Variants in CAMK1D observed in about 807,000 individuals in gnomAD.
The protein encoded by CAMK1D is calcium/calmodulin-dependent protein kinase type 1D.
Under a neutral mutation model 47.7 loss-of-function variants are expected in CAMK1D, and 9 were observed. The ratio of observed to expected loss-of-function variants is 0.19; its 90% CI spans 0.11 to 0.33. The LOEUF is 0.33. CAMK1D is among the 10% of genes least tolerant of loss of function. CAMK1D has a pLI of 1.00. For synonymous variants in CAMK1D, 184 were observed against 184.9 expected, an observed-to-expected ratio of 0.99 and a Z score of 0.04; for missense variants, 291 against 488.7, an observed-to-expected ratio of 0.60 and a Z score of 3.81.
chr10:12,580,914 TG>T (rs1194882312), intron 2 of CAMK1D, among the ~76,000 whole-genome samples: 18 of 152,310 alleles, frequency 1.2e-4, no homozygotes, highest in African/African-American at 3.8e-4. Context: ...TTCATAGGTT[TG>T]GGGGAACAGG....
intron 2 of CAMK1D, among the ~76,000 whole-genome samples, chr10:12,600,063 C>T (rs1838256254): frequency 6.6e-6 from 1 of 152,170 alleles, no homozygotes; most frequent in Non-Finnish European, 1.5e-5. Flanking sequence ...TATGATTGTG[C>T]CACTGCACTC....
chr10:12,777,619 C>T (rs966934058), intron 5 of CAMK1D, among the ~76,000 whole-genome samples: 18 of 152,218 alleles, frequency 1.2e-4, no homozygotes, highest in Middle Eastern at 3.4e-3. Flanking sequence ...GGTGATCCAC[C>T]TGTCTCGGCC....
chr10:12,794,664 A>C (rs1838116597), intron 6 of CAMK1D, among the ~76,000 whole-genome samples: 1 of 152,112 alleles, frequency 6.6e-6, no homozygotes, highest in East Asian at 1.9e-4. Context: ...GTCCCACATC[A>C]ATTTCATGAC....
intron 3 of CAMK1D, among the ~76,000 whole-genome samples, chr10:12,753,579 A>G (rs1393150310): frequency 6.6e-6 from 1 of 152,074 alleles, no homozygotes; most frequent in Non-Finnish European, 1.5e-5. Flanking sequence ...GGTCCTTGGG[A>G]TCTTAGAACG....
intron 1 of CAMK1D, among the ~76,000 whole-genome samples, chr10:12,540,849 A>G (rs570126976): frequency 1.4e-3 from 217 of 152,018 alleles, no homozygotes; most frequent in African/African-American, 3.8e-3. Flanking sequence ...TACCTACTAA[A>G]GTTAAGGATA....
chr10:12,715,559 A>G (rs1834094745), intron 3 of CAMK1D, among the ~76,000 whole-genome samples: 1 of 152,346 alleles, frequency 6.6e-6, no homozygotes, highest in African/African-American at 2.4e-5. Context: ...TATTTGTGGG[A>G]AAATCTAGCT....
chr10:12,642,861 G>C (rs896851063), intron 2 of CAMK1D, among the ~76,000 whole-genome samples: 2 of 152,164 alleles, frequency 1.3e-5, no homozygotes, highest in Non-Finnish European at 2.9e-5. Context: ...CAGTATACTT[G>C]AGATAAAATA....
intron 2 of CAMK1D, among the ~76,000 whole-genome samples, chr10:12,652,886 ATT>A (rs1840018324): frequency 1.3e-5 from 2 of 152,256 alleles, no homozygotes; most frequent in South Asian, 4.1e-4. Context: ...GCTCTTTTTA[ATT>A]GTGACTCATC....
chr10:12,699,998 C>CAA (rs59423702), intron 3 of CAMK1D, among the ~76,000 whole-genome samples: 21 of 146,822 alleles, frequency 1.4e-4, no homozygotes, highest in African/African-American at 4.9e-4. Context: ...TATTTTGGTG[C>CAA]AAAAAAAAAA....
At position 12,797,448 on chromosome 10, in the gene CAMK1D, G is replaced by C. The variant is rs371428869; in HGVS notation, c.641+6215G>C. On this transcript the variant is annotated intron_variant, in intron 6 of 10. Coordinates refer to ENST00000619168, the MANE Select transcript of CAMK1D (RefSeq NM_153498.4). ...TTGCCCAGGCTAATCTTGAACTCCTGACCTCAAGTGATCCTCCCAAAGTGC... is the reference window on the plus strand; with the variant it reads ...TTGCCCAGGCTAATCTTGAACTCCTCACCTCAAGTGATCCTCCCAAAGTGC... Among the ~76,000 whole-genome samples the C allele has an allele frequency of 1.3e-3, 191 of 151,718 alleles. 2 individuals carry two copies. The highest frequency in any genetic ancestry group is 4.5e-3 in the African/African-American group (184 of 41,346).
intron 1 of CAMK1D, among the ~76,000 whole-genome samples, chr10:12,528,839 T>C (rs1835712354): frequency 1.3e-5 from 2 of 150,008 alleles, no homozygotes; most frequent in Admixed American, 6.7e-5. Context: ...ACTCCTAGGG[T>C]CAAGCAATCC....
chr10:12,707,361 G>T (rs937553301), intron 3 of CAMK1D, among the ~76,000 whole-genome samples: 57 of 152,300 alleles, frequency 3.7e-4, no homozygotes, highest in Admixed American at 5.9e-4. Flanking sequence ...TGTGTTGACT[G>T]GGGTAAAATG....
chr10:12,465,203 A>T (rs1452135688), intron 1 of CAMK1D, among the ~76,000 whole-genome samples: 2 of 152,212 alleles, frequency 1.3e-5, no homozygotes, highest in Non-Finnish European at 2.9e-5. Context: ...AGTCCTGTTC[A>T]TCTGGGTGTT....
At chr10:12,803,777 C>T (rs1241802068) in intron 6 of CAMK1D, among the ~76,000 whole-genome samples, 1 of 152,196 alleles carries the variant, frequency 6.6e-6, no homozygotes, top group African/African-American at 2.4e-5. Context: ...CTCCCTGGGA[C>T]TCACTTTCCC....
intron 6 of CAMK1D, among the ~76,000 whole-genome samples, chr10:12,806,203 C>T (rs1169147957): frequency 4.6e-5 from 7 of 152,172 alleles, no homozygotes; most frequent in South Asian, 2.1e-4. Context: ...GTATTTTTTA[C>T]ACTTCCTGTT....
intron 3 of CAMK1D, among the ~76,000 whole-genome samples, chr10:12,723,992 G>C (rs1018643723): frequency 1.9e-4 from 29 of 151,980 alleles, no homozygotes; most frequent in African/African-American, 6.8e-4. Flanking sequence ...TCCCACCTAT[G>C]AGTGAGAACA....
At chr10:12,816,554 G>A (rs940638193) in intron 8 of CAMK1D, among the ~76,000 whole-genome samples, 21 of 151,938 alleles carry the variant, frequency 1.4e-4, no homozygotes, top group Non-Finnish European at 2.4e-4. Flanking sequence ...ATGTGTATTC[G>A]TCCTTTTTCA....
intron 2 of CAMK1D, among the ~76,000 whole-genome samples, chr10:12,608,098 C>T (rs1254660218): frequency 1.3e-5 from 2 of 152,264 alleles, no homozygotes; most frequent in Middle Eastern, 3.4e-3. Flanking sequence ...AGAAAATGTA[C>T]AGACATGAAG....
At chr10:12,412,874 G>A (rs1258219816) in intron 1 of CAMK1D, among the ~76,000 whole-genome samples, 1 of 151,960 alleles carries the variant, frequency 6.6e-6, no homozygotes, top group Non-Finnish European at 1.5e-5. Context: ...TGGCCCTCCC[G>A]GGTCTTTCTG....
Sources: allele counts gnomAD v4.1 joint callset (sites outside exome capture counted in the v4.1 genomes callset), GRCh38; gene constraint gnomAD v4.1.1; transcripts MANE v1.5; gene names NCBI Gene and HGNC (gene_info 2026-07-23, HGNC 2026-07-21).